The following NKAIN2 variants were observed in gnomAD, a reference collection of about 807,000 sequenced individuals.
NKAIN2 encodes sodium/potassium transporting ATPase interacting 2.
NKAIN2 carries 14 observed loss-of-function variants against 32.6 expected under a neutral mutation model. The ratio of observed to expected loss-of-function variants is 0.43; its 90% CI spans 0.28 to 0.67. NKAIN2 has a LOEUF of 0.67. NKAIN2 is among the 30% of genes least tolerant of loss of function. The pLI, the probability that NKAIN2 is intolerant of heterozygous loss-of-function variation, is 0.17. For synonymous variants in NKAIN2, 80 were observed against 87.2 expected (o/e 0.92, Z 0.46); for missense variants, 198 against 258.3 (o/e 0.77, Z 1.60).
At position 124,473,920 on chromosome 6, in the gene NKAIN2, A is replaced by G. The variant is rs570093004; in HGVS notation, c.273+118573A>G. ...AAACAACTGCTAAAGCAGAAATTGTATGCAAAAATAAAAGAATATTATTCA... is the reference window on the plus strand; with the variant it reads ...AAACAACTGCTAAAGCAGAAATTGTGTGCAAAAATAAAAGAATATTATTCA... On this transcript the variant is annotated intron_variant, in intron 3 of 6. Coordinates refer to ENST00000368417, the MANE Select transcript of NKAIN2 (RefSeq NM_001040214.3). Among the ~76,000 whole-genome samples, 6 of 152,294 alleles carry G rather than the reference A, an allele frequency of 3.9e-5. No individual in the cohort carries two copies. The East Asian group carries it at 1.2e-3, about 29-fold the overall frequency.
chr6:124,605,228 G>T (rs1169481128), intron 3 of NKAIN2, among the ~76,000 whole-genome samples: 1 of 152,060 alleles, frequency 6.6e-6, no homozygotes, highest in Non-Finnish European at 1.5e-5. Context: ...ACTGGTTGTT[G>T]TTACTTTTAT....
At chr6:124,382,918 T>A (rs747957249) in intron 3 of NKAIN2, among the ~76,000 whole-genome samples, 5 of 152,172 alleles carry the variant, frequency 3.3e-5, no homozygotes, top group Admixed American at 6.5e-5. Flanking sequence ...TTTTCTGGCC[T>A]GTGCCTGAAA....
intron 4 of NKAIN2, among the ~76,000 whole-genome samples, chr6:124,772,146 AAATG>A (rs1391039105): frequency 1.3e-5 from 2 of 152,252 alleles, no homozygotes. Context: ...GCATTGTGAA[AAATG>A]AATTGGCAAC....
chr6:123,963,152 C>T (rs773134463), intron 1 of NKAIN2, among the ~76,000 whole-genome samples: 4 of 152,100 alleles, frequency 2.6e-5, no homozygotes, highest in Non-Finnish European at 5.9e-5. Flanking sequence ...TCATCAGGGC[C>T]TAGGATTTGC....
intron 3 of NKAIN2, among the ~76,000 whole-genome samples, chr6:124,641,529 GCTTT>G (rs1783987959): frequency 3.4e-4 from 8 of 23,832 alleles, no homozygotes; most frequent in African/African-American, 9.0e-4. Context: ...TAAAACACTA[GCTTT>G]TTTTTTTTTT....
intron 1 of NKAIN2, among the ~76,000 whole-genome samples, chr6:124,175,988 T>G (rs1452828801): frequency 6.6e-6 from 1 of 152,108 alleles, no homozygotes. Context: ...CATGAGAAAT[T>G]TTCTAGTTTA....
intron 3 of NKAIN2, among the ~76,000 whole-genome samples, chr6:124,422,747 A>T (rs1774812481): frequency 6.6e-6 from 1 of 152,240 alleles, no homozygotes; most frequent in African/African-American, 2.4e-5. Context: ...CAACAGGGTT[A>T]GAATTGCATT....
chr6:124,445,655 G>A (rs972181383), intron 3 of NKAIN2, among the ~76,000 whole-genome samples: 5 of 151,712 alleles, frequency 3.3e-5, no homozygotes, highest in African/African-American at 1.2e-4. Flanking sequence ...CTTTTGTCAT[G>A]GCAACAATGA....
intron 5 of NKAIN2, among the ~76,000 whole-genome samples, chr6:124,815,657 C>CTA (rs1781132114): frequency 6.9e-6 from 1 of 143,952 alleles, no homozygotes. Context: ...AGCTAAGGTA[C>CTA]AATGTAGAAG....
At chr6:124,092,500 TC>T (rs1278818213) in intron 1 of NKAIN2, among the ~76,000 whole-genome samples, 1 of 152,092 alleles carries the variant, frequency 6.6e-6, no homozygotes, top group East Asian at 1.9e-4. Flanking sequence ...AAACTTTTTT[TC>T]TGTAATTCTT....
chr6:124,549,028 G>A (rs558088190), intron 3 of NKAIN2, among the ~76,000 whole-genome samples: 34 of 152,186 alleles, frequency 2.2e-4, no homozygotes, highest in African/African-American at 8.2e-4. Context: ...CAACTCTTTT[G>A]AGAAACTTTG....
At chr6:124,032,629 G>C (rs1363782318) in intron 1 of NKAIN2, among the ~76,000 whole-genome samples, 1 of 151,926 alleles carries the variant, frequency 6.6e-6, no homozygotes, top group East Asian at 1.9e-4. Flanking sequence ...AAGAAGAAAG[G>C]TACTCTTAAA....
At chr6:123,910,866 T>A (rs1323998071) in intron 1 of NKAIN2, among the ~76,000 whole-genome samples, 1 of 152,018 alleles carries the variant, frequency 6.6e-6, no homozygotes, top group East Asian at 1.9e-4. Flanking sequence ...ATGAATATGA[T>A]TACAAGAAAA....
intron 1 of NKAIN2, among the ~76,000 whole-genome samples, chr6:123,976,348 C>CATAT (rs3039590): frequency 0.053 from 720 of 13,602 alleles, 83 homozygotes; most frequent in Middle Eastern, 0.1. Context: ...TATATGTTCC[C>CATAT]ATATATATAT....
At chr6:124,220,514 T>C (rs936530432) in intron 1 of NKAIN2, among the ~76,000 whole-genome samples, 7 of 137,358 alleles carry the variant, frequency 5.1e-5, no homozygotes, top group Non-Finnish European at 6.2e-5. Flanking sequence ...ATAAATAGTA[T>C]TGTGATGAAT....
intron 1 of NKAIN2, among the ~76,000 whole-genome samples, chr6:124,161,773 A>G (rs925555809): frequency 1.3e-5 from 2 of 152,082 alleles, no homozygotes; most frequent in African/African-American, 2.4e-5. Context: ...GATGGCAACA[A>G]TATACATTGA....
At chr6:124,168,901 A>G (rs2114489863) in intron 1 of NKAIN2, among the ~76,000 whole-genome samples, 1 of 152,240 alleles carries the variant, frequency 6.6e-6, no homozygotes, top group South Asian at 2.1e-4. Context: ...AATTATTGGC[A>G]TATTTTCATT....
rs1781256192 is a variant in NKAIN2 at position 124,818,325 on chromosome 6, G to A, written c.536-62G>A. 1.2e-5 allele frequency: 10 copies of A among 809,820 alleles called. No individual in the cohort carries two copies. The Middle Eastern group carries it at 1.4e-3, about 111-fold the overall frequency. The allele number at this position is 809,820 out of a possible 1,614,324, so 50.2% of individuals were successfully genotyped here. ...AAAAGGTTTATTAGTAATCTGTGTG[G>A]GTGCTTGATCATGGATGTATATCTC... On this transcript the variant is annotated intron_variant, in intron 5 of 6. Transcript: ENST00000368417.
At chr6:123,860,275 A>AT (rs910834976) in intron 1 of NKAIN2, among the ~76,000 whole-genome samples, 16 of 152,158 alleles carry the variant, frequency 1.1e-4, no homozygotes, top group Admixed American at 3.9e-4. Flanking sequence ...CCTCCTGCCA[A>AT]TTTTTTGTTA....
Sources: allele counts gnomAD v4.1 joint callset (sites outside exome capture counted in the v4.1 genomes callset), GRCh38; gene constraint gnomAD v4.1.1; transcripts MANE v1.5; gene names NCBI Gene and HGNC (gene_info 2026-07-23, HGNC 2026-07-21).